Variants in CDC73 observed in about 807,000 individuals in gnomAD.
The protein encoded by CDC73 is parafibromin.
In CDC73, 21 loss-of-function variants were observed where a neutral mutation model predicts 83.7. The observed-to-expected ratio is 0.25, with a 90% CI of 0.18 to 0.36. The LOEUF (loss-of-function observed/expected upper bound fraction) is 0.36, where lower values mean the gene tolerates loss of function less well. CDC73 is among the 10% of genes least tolerant of loss of function. The probability of loss-of-function intolerance (pLI) is 1.00; values close to 1 mark genes in which losing one functional copy is unlikely to be tolerated. For missense variants in CDC73, 342 were observed against 653.3 expected, an observed-to-expected ratio of 0.52 and a Z score of 5.19; for synonymous variants, 224 against 212.9, an observed-to-expected ratio of 1.05 and a Z score of -0.45.
intron 13 of CDC73, among the ~76,000 whole-genome samples, chr1:193,225,270 A>ATATATATATC (rs1403259876): frequency 6.7e-6 from 1 of 148,320 alleles, no homozygotes; most frequent in Non-Finnish European, 1.5e-5. Flanking sequence ...ATATATATAT[A>ATATATATATC]TATCCACATA....
intron 7 of CDC73, among the ~76,000 whole-genome samples, chr1:193,147,468 C>T (rs996781713): frequency 6.6e-6 from 1 of 150,780 alleles, no homozygotes; most frequent in Admixed American, 6.6e-5. Flanking sequence ...CCCGTGTTCA[C>T]ACCATATTCC....
At chr1:193,183,985 T>G (rs1558302698) in intron 10 of CDC73, among the ~76,000 whole-genome samples, 1 of 151,886 alleles carries the variant, frequency 6.6e-6, no homozygotes, top group East Asian at 1.9e-4. Flanking sequence ...GTTGCTTTTA[T>G]AAGAACAATA....
intron 13 of CDC73, among the ~76,000 whole-genome samples, chr1:193,225,997 G>A (rs1390956910): frequency 6.6e-6 from 1 of 152,022 alleles, no homozygotes; most frequent in Non-Finnish European, 1.5e-5. Context: ...TGTCTAGAAG[G>A]GTTTTTCCTG....
intron 6 of CDC73, 43 bp downstream of exon 6, chr1:193,138,216 T>C (rs761350524): frequency 7.3e-6 from 9 of 1,239,922 alleles, no homozygotes; most frequent in Non-Finnish European, 9.5e-6. Context: ...TTTAGATATA[T>C]GTAAAAGTAT....
chr1:193,122,891 GTC>G (rs1675486606), intron 1 of CDC73, among the ~76,000 whole-genome samples: 1 of 152,212 alleles, frequency 6.6e-6, no homozygotes, highest in Non-Finnish European at 1.5e-5. Context: ...AGTCATAAAA[GTC>G]TGTGTTAGAG....
intron 3 of CDC73, among the ~76,000 whole-genome samples, chr1:193,130,509 A>G (rs942133419): frequency 6.6e-6 from 1 of 152,174 alleles, no homozygotes; most frequent in African/African-American, 2.4e-5. Flanking sequence ...CTCTGACATC[A>G]TCAGTTTTCT....
intron 13 of CDC73, among the ~76,000 whole-genome samples, chr1:193,222,733 G>T (rs1051662066): frequency 2.1e-5 from 3 of 139,828 alleles, no homozygotes; most frequent in Admixed American, 7.2e-5. Context: ...AGTCTTGGTC[G>T]TTTTGATAAT....
intron 13 of CDC73, among the ~76,000 whole-genome samples, chr1:193,224,454 CAT>C (rs1314756286): frequency 6.6e-6 from 1 of 151,810 alleles, no homozygotes; most frequent in East Asian, 1.9e-4. Context: ...TATGCATTCA[CAT>C]ATGCACATAC....
At chr1:193,233,223 C>T (rs926069259) in intron 14 of CDC73, 69 bp downstream of exon 14, 15 of 1,382,876 alleles carry the variant, frequency 1.1e-5, no homozygotes, top group East Asian at 4.6e-5. Context: ...TTGTTATTGC[C>T]GTTGATGACG....
intron 15 of CDC73, among the ~76,000 whole-genome samples, chr1:193,242,068 T>C (rs1431286316): frequency 6.9e-6 from 1 of 145,556 alleles, no homozygotes; most frequent in Non-Finnish European, 1.6e-5. Context: ...TGCCAGTGGC[T>C]TGCACTTAGA....
chr1:193,181,008 G>C (rs747647944), intron 10 of CDC73: 4 of 1,613,638 alleles, frequency 2.5e-6, no homozygotes, highest in Non-Finnish European at 3.4e-6. Flanking sequence ...ATATTCTTGT[G>C]ATTTGAATAC....
intron 1 of CDC73, among the ~76,000 whole-genome samples, chr1:193,123,464 T>C (rs927895851): frequency 6.6e-6 from 1 of 152,322 alleles, no homozygotes; most frequent in East Asian, 1.9e-4. Flanking sequence ...TGACCTCAAA[T>C]AATCTGCCCG....
chr1:193,206,077 A>G (rs1410724456), intron 11 of CDC73, among the ~76,000 whole-genome samples: 6 of 152,188 alleles, frequency 3.9e-5, no homozygotes, highest in Non-Finnish European at 7.4e-5. Context: ...ATGTAAGGAA[A>G]GGGCTGGGAG....
chr1:193,178,485 A>T (rs187238259), intron 10 of CDC73, among the ~76,000 whole-genome samples: 2 of 152,126 alleles, frequency 1.3e-5, no homozygotes, highest in Admixed American at 1.3e-4. Context: ...TTCTCTTTCT[A>T]TGTACACACC....
chr1:193,228,726 TAAAGCATA>T (rs1317862323), intron 13 of CDC73, among the ~76,000 whole-genome samples: 1 of 152,046 alleles, frequency 6.6e-6, no homozygotes, highest in Non-Finnish European at 1.5e-5. Context: ...GCTTCTAGAA[TAAAGCATA>T]ATAGAATGTT....
At chr1:193,246,615 C>T (rs1677959066) in intron 15 of CDC73, among the ~76,000 whole-genome samples, 1 of 152,048 alleles carries the variant, frequency 6.6e-6, no homozygotes, top group Non-Finnish European at 1.5e-5. Flanking sequence ...AAATTCCTAG[C>T]AGTTTTTTTC....
chr1:193,203,867 C>CT lies in CDC73; in HGVS notation c.1030+18dup. The CT allele has an allele frequency of 1.2e-6, 2 of 1,612,024 alleles. No individual in the cohort carries two copies. Among genetic ancestry groups the CT allele is most frequent in the Non-Finnish European group, 1.7e-6 (2 of 1,178,184 alleles). ...ACCAAGACCAGGTAGAAATATAGAA[C>CT]TTTGCTTTTTGTTTTCTTTCAAAAG... On this transcript the variant is annotated intron_variant, in intron 11 of 16. Transcript: ENST00000367435.
chr1:193,241,640 G>A (rs1468105340), intron 15 of CDC73, among the ~76,000 whole-genome samples: 1 of 152,200 alleles, frequency 6.6e-6, no homozygotes, highest in East Asian at 1.9e-4. Context: ...GGCCCACAGG[G>A]GGTGTGTGCG....
At chr1:193,239,918 T>C (rs1360193964) in intron 15 of CDC73, among the ~76,000 whole-genome samples, 1 of 152,146 alleles carries the variant, frequency 6.6e-6, no homozygotes, top group Non-Finnish European at 1.5e-5. Flanking sequence ...ACTTAAAAGT[T>C]AGAAATTAAA....
Sources: allele counts gnomAD v4.1 joint callset (sites outside exome capture counted in the v4.1 genomes callset), GRCh38; gene constraint gnomAD v4.1.1; transcripts MANE v1.5; gene names NCBI Gene and HGNC (gene_info 2026-07-23, HGNC 2026-07-21).